Variants in NRG1 observed in about 807,000 individuals in gnomAD.
NRG1 encodes neuregulin 1, also known as pro-neuregulin-1, membrane-bound isoform.
NRG1 carries 18 observed loss-of-function variants against 63.8 expected under a neutral mutation model. The observed-to-expected ratio is 0.28, with a 90% confidence interval of 0.19 to 0.42. NRG1 has a LOEUF of 0.42. Ranked by LOEUF, NRG1 falls within the 10% of genes least tolerant of loss-of-function variation. The probability of loss-of-function intolerance (pLI) is 1.00; values close to 1 mark genes in which losing one functional copy is unlikely to be tolerated. For missense variants in NRG1, 762 were observed against 814.7 expected, an observed-to-expected ratio of 0.94 and a Z score of 0.79; for synonymous variants, 302 against 301.3, an observed-to-expected ratio of 1.00 and a Z score of -0.02.
chr8:31,940,597 A>AAC (rs1801604934), intron 1 of NRG1, among the ~76,000 whole-genome samples: 1 of 152,142 alleles, frequency 6.6e-6, no homozygotes, highest in Non-Finnish European at 1.5e-5. Context: ...ACAATACAGA[A>AAC]AATAAATAAA....
At chr8:31,653,861 G>C (rs1352450245) in intron 1 of NRG1, among the ~76,000 whole-genome samples, 2 of 152,068 alleles carry the variant, frequency 1.3e-5, no homozygotes, top group Non-Finnish European at 2.9e-5. Context: ...TTGCCTTCTA[G>C]AGCTCTGTGT....
intron 1 of NRG1, among the ~76,000 whole-genome samples, chr8:32,556,162 T>C (rs1444390356): frequency 3.9e-5 from 6 of 152,242 alleles, no homozygotes; most frequent in African/African-American, 1.4e-4. Context: ...ATATTTGGAC[T>C]TTGAAAAAGT....
intron 1 of NRG1, among the ~76,000 whole-genome samples, chr8:32,171,616 A>T (rs540651671): frequency 6.6e-6 from 1 of 152,272 alleles, no homozygotes; most frequent in East Asian, 1.9e-4. Context: ...GGGGTGACAG[A>T]CGGCACCTGG....
At chr8:32,442,557 A>T (rs1819689303) in intron 1 of NRG1, 1 of 152,202 alleles carries the variant, frequency 6.6e-6, no homozygotes, top group East Asian at 1.9e-4. Context: ...GGCTTCTGAG[A>T]TATTCGAAAG....
intron 1 of NRG1, among the ~76,000 whole-genome samples, chr8:31,883,211 AC>A (rs2129612966): frequency 6.6e-6 from 1 of 152,300 alleles, no homozygotes; most frequent in East Asian, 1.9e-4. Context: ...AAGACCCTCC[AC>A]CAGCAAAAAG....
chr8:31,804,117 CAG>C (rs1204488426), intron 1 of NRG1, among the ~76,000 whole-genome samples: 1 of 152,166 alleles, frequency 6.6e-6, no homozygotes, highest in Admixed American at 6.5e-5. Context: ...TCCCTGAGGG[CAG>C]AGGTCTTGAT....
At chr8:32,424,008 C>T (rs1191682404) in intron 1 of NRG1, among the ~76,000 whole-genome samples, 1 of 152,108 alleles carries the variant, frequency 6.6e-6, no homozygotes, top group African/African-American at 2.4e-5. Context: ...TGTCTCCTGC[C>T]CAGTTCCTAA....
chr8:31,655,465 G>A (rs1805341526), intron 1 of NRG1, among the ~76,000 whole-genome samples: 1 of 152,110 alleles, frequency 6.6e-6, no homozygotes, highest in Non-Finnish European at 1.5e-5. Flanking sequence ...AAGGAGGAGA[G>A]GAAAGATTTG....
At chr8:32,654,089 G>A (rs575780016) in intron 5 of NRG1, among the ~76,000 whole-genome samples, 4 of 152,182 alleles carry the variant, frequency 2.6e-5, no homozygotes, top group African/African-American at 9.6e-5. Flanking sequence ...AGTGAGAAAA[G>A]GCAGGTCTGG....
chr8:32,771,276 A>ATTTTT (rs553989637), downstream of NRG1, among the ~76,000 whole-genome samples: 1 of 92,754 alleles, frequency 1.1e-5, no homozygotes. Flanking sequence ...ATGCCCAGCG[A>ATTTTT]TTTTTTTTTT....
chr8:32,565,667 C>A (rs1246967496), intron 1 of NRG1, among the ~76,000 whole-genome samples: 1 of 152,076 alleles, frequency 6.6e-6, no homozygotes, highest in Non-Finnish European at 1.5e-5. Context: ...TTCAAACCTT[C>A]TATGTTGTAT....
At chr8:31,773,898 C>G (rs968477935) in intron 1 of NRG1, among the ~76,000 whole-genome samples, 1 of 152,058 alleles carries the variant, frequency 6.6e-6, no homozygotes, top group African/African-American at 2.4e-5. Context: ...AATTTACGTA[C>G]CTTCATCCTT....
intron 1 of NRG1, among the ~76,000 whole-genome samples, chr8:31,780,427 A>G (rs1338283881): frequency 6.6e-6 from 1 of 152,178 alleles, no homozygotes; most frequent in Non-Finnish European, 1.5e-5. Context: ...TATCACCTGT[A>G]GAATTAAGAT....
chr8:32,397,651 G>A (rs1812613571), intron 1 of NRG1, among the ~76,000 whole-genome samples: 1 of 151,904 alleles, frequency 6.6e-6, no homozygotes, highest in South Asian at 2.1e-4. Context: ...TTGTCCTAGT[G>A]ACCATCACTA....
At chr8:32,262,603 T>C (rs947864211) in intron 1 of NRG1, among the ~76,000 whole-genome samples, 1 of 152,182 alleles carries the variant, frequency 6.6e-6, no homozygotes, top group African/African-American at 2.4e-5. Context: ...CAAATATACA[T>C]TTATATGCCC....
chr8:32,110,540 G>A lies in NRG1; in HGVS notation c.37+471109G>A, dbSNP rs149622239. 2.6e-3 allele frequency among the ~76,000 whole-genome samples: 399 copies of A among 152,312 alleles called. 1 individual carries two copies. Among genetic ancestry groups the A allele is most frequent in the African/African-American group, 9.2e-3 (383 of 41,568 alleles). Reference sequence around the variant, plus strand: ...TTTTGTGTGCTGGTGAATGTAAGGTGAGAATCTCTCCTTTCTTTTTCTAAT... The same window carrying A: ...TTTTGTGTGCTGGTGAATGTAAGGTAAGAATCTCTCCTTTCTTTTTCTAAT... On this transcript the variant is annotated intron_variant, in intron 1 of 10. Coordinates refer to the NRG1 transcript ENST00000519301.
At chr8:32,312,266 C>A (rs543632144) in intron 1 of NRG1, among the ~76,000 whole-genome samples, 1 of 142,622 alleles carries the variant, frequency 7.0e-6, no homozygotes, top group African/African-American at 2.6e-5. Context: ...TGGGCTCAAG[C>A]GATTCTCCAG....
intron 1 of NRG1, among the ~76,000 whole-genome samples, chr8:32,344,388 C>CTTTCTTTCTT (rs1804544249): frequency 1.4e-5 from 1 of 73,196 alleles, no homozygotes; most frequent in African/African-American, 5.7e-5. Context: ...CTTTCTCTTT[C>CTTTCTTTCTT]TTTCTTTTTT....
At position 31,821,871 on chromosome 8, in the gene NRG1, T is replaced by G. The variant is rs183698571; in HGVS notation, c.37+182440T>G. ...GGTTGTGGGAATCATTGTTCTGAAG[T>G]GCATCCAAGATTAGAAGCCTGGTTT... is the stretch of plus-strand genomic sequence containing the variant. On this transcript the variant is annotated intron_variant, in intron 1 of 10. Transcript: ENST00000519301. Among the ~76,000 whole-genome samples, 1,492 of 152,330 alleles carry G rather than the reference T, an allele frequency of 9.8e-3. 18 individuals are homozygous for G. The highest frequency in any genetic ancestry group is 0.016 in the Non-Finnish European group (1,073 of 68,018).
Sources: allele counts gnomAD v4.1 joint callset (sites outside exome capture counted in the v4.1 genomes callset), GRCh38; gene constraint gnomAD v4.1.1; transcripts MANE v1.5; gene names NCBI Gene and HGNC (gene_info 2026-07-23, HGNC 2026-07-21).